Variants in PDCD2L observed in about 807,000 individuals in gnomAD.
The protein encoded by PDCD2L is programmed cell death 2 like.
PDCD2L carries 44 observed loss-of-function variants against 40.4 expected under a neutral mutation model. The observed-to-expected ratio is 1.09, with a 90% CI of 0.86 to 1.40. The LOEUF (loss-of-function observed/expected upper bound fraction) is 1.40, where lower values mean the gene tolerates loss of function less well. Ranked by LOEUF, PDCD2L falls within the 40% of genes most tolerant of loss-of-function variation. PDCD2L has a pLI of 0.00. For synonymous variants in PDCD2L, 194 were observed against 174.6 expected (o/e 1.11, Z -0.88); for missense variants, 470 against 453.7 (o/e 1.04, Z -0.33).
At chr19:34,419,964 C>T (rs981557947) in intron 5 of PDCD2L, among the ~76,000 whole-genome samples, 3 of 151,288 alleles carry the variant, frequency 2.0e-5, no homozygotes, top group Non-Finnish European at 4.4e-5. Flanking sequence ...TGTATTATTA[C>T]ACTATGTCTG....
chr19:34,410,242 C>T (rs947322988), intron 4 of PDCD2L, among the ~76,000 whole-genome samples: 4 of 152,178 alleles, frequency 2.6e-5, no homozygotes, highest in African/African-American at 9.7e-5. Flanking sequence ...AGTACAGGTG[C>T]ACACCACCAT....
intron 6 of PDCD2L, among the ~76,000 whole-genome samples, chr19:34,424,636 G>A (rs1039273329): frequency 3.9e-5 from 6 of 152,064 alleles, no homozygotes; most frequent in Admixed American, 1.3e-4. Context: ...GGCCGCATGC[G>A]CAGTGTGTTT....
intron 6 of PDCD2L, among the ~76,000 whole-genome samples, chr19:34,425,218 T>C (rs949012865): frequency 6.6e-6 from 1 of 152,062 alleles, no homozygotes; most frequent in Non-Finnish European, 1.5e-5. Flanking sequence ...TTCTGTAAAC[T>C]CTTAGGGTTT....
intron 5 of PDCD2L, among the ~76,000 whole-genome samples, chr19:34,414,677 A>G (rs2075119563): frequency 2.6e-5 from 4 of 151,674 alleles, no homozygotes; most frequent in Middle Eastern, 3.4e-3. Context: ...TTTTTTAGAA[A>G]TGGTATTTCA....
intron 6 of PDCD2L, among the ~76,000 whole-genome samples, chr19:34,422,861 G>A (rs1194381358): frequency 2.0e-5 from 3 of 151,920 alleles, no homozygotes; most frequent in Non-Finnish European, 2.9e-5. Flanking sequence ...GACTACAGGC[G>A]CCCGCAACCA....
intron 5 of PDCD2L, among the ~76,000 whole-genome samples, chr19:34,420,060 C>T (rs11673311): frequency 0.42 from 64,430 of 151,838 alleles, 16,615 homozygotes; most frequent in Non-Finnish European, 0.58. Flanking sequence ...TCTCAGTTCA[C>T]TGCAACCTCT....
intron 6 of PDCD2L, among the ~76,000 whole-genome samples, chr19:34,425,298 CTT>C (rs1030360314): frequency 2.1e-5 from 3 of 146,264 alleles, no homozygotes; most frequent in Admixed American, 6.8e-5. Context: ...ATATTTCTCT[CTT>C]CTTTTTTTTT....
intron 5 of PDCD2L, among the ~76,000 whole-genome samples, chr19:34,415,847 G>A (rs1207223348): frequency 2.0e-5 from 3 of 152,088 alleles, no homozygotes; most frequent in Admixed American, 1.3e-4. Context: ...AGAAATTTCC[G>A]GCATGGTTAA....
At chr19:34,420,246 C>G (rs2075144407) in intron 5 of PDCD2L, among the ~76,000 whole-genome samples, 1 of 151,834 alleles carries the variant, frequency 6.6e-6, no homozygotes, top group African/African-American at 2.4e-5. Context: ...CCGCCTCAGC[C>G]TCCCAAAGTG....
rs767892516 is a variant in PDCD2L at position 34,404,789 on chromosome 19, C to T, written c.249C>T (p.Pro83=). 3.1e-6 allele frequency: 5 copies of T among 1,605,448 alleles called. No individual in the cohort carries two copies. The Admixed American group carries it at 5.1e-5, about 16-fold the overall frequency. Residue 83 remains proline, a synonymous_variant, in exon 2 of 7, where the codon CCC becomes CCT. Coordinates refer to ENST00000246535, the MANE Select transcript of PDCD2L (RefSeq NM_032346.2). ...TGCACGTGTTCGCGTGCGCCTGCCC[C>T]GGCTGTAGCACCGGCGGTGCGCGCA... ...RLLHVFACAC[P]GCSTGGARSW...
At chr19:34,414,146 G>A (rs1346260381) in intron 5 of PDCD2L, among the ~76,000 whole-genome samples, 1 of 151,958 alleles carries the variant, frequency 6.6e-6, no homozygotes, top group Non-Finnish European at 1.5e-5. Context: ...TGAAGTCCAT[G>A]TTCTCATAGC....
intron 3 of PDCD2L, among the ~76,000 whole-genome samples, chr19:34,406,855 C>A (rs1183328122): frequency 1.5e-5 from 2 of 133,718 alleles, no homozygotes; most frequent in African/African-American, 2.9e-5. Context: ...TTTTTGAGAC[C>A]GAGTTTCGCT....
chr19:34,421,363 C>G (rs1486155171), intron 5 of PDCD2L, 156 bp from the exon 6 acceptor site: 4 of 793,724 alleles, frequency 5.0e-6, no homozygotes, highest in Non-Finnish European at 8.1e-6. Context: ...GACAAGATTT[C>G]CAGATATCTT....
intron 5 of PDCD2L, among the ~76,000 whole-genome samples, chr19:34,414,663 A>G (rs1049872658): frequency 6.7e-6 from 1 of 149,674 alleles, no homozygotes; most frequent in South Asian, 2.1e-4. Context: ...TAATTTTTGT[A>G]TATTTTTTTA....
At position 34,423,737 on chromosome 19, in the gene PDCD2L, C is replaced by T. The variant is rs539279202; in HGVS notation, c.946+2070C>T. Among the ~76,000 whole-genome samples, 6 of 151,984 alleles carry T rather than the reference C, an allele frequency of 3.9e-5. No homozygotes were observed. In the East Asian group the frequency reaches 1.2e-3, roughly 29 times the overall value. On this transcript the variant is annotated intron_variant, in intron 6 of 6. Transcript: ENST00000246535. ...CTCCTGACCTCAAGTGATCCGTCCACCTCGACCTCCCAAAGTGCTGGGATT... is the reference window on the plus strand; with the variant it reads ...CTCCTGACCTCAAGTGATCCGTCCATCTCGACCTCCCAAAGTGCTGGGATT...
At chr19:34,413,989 G>A (rs1052730663) in intron 5 of PDCD2L, 142 bp downstream of exon 5, 3 of 584,920 alleles carry the variant, frequency 5.1e-6, no homozygotes, top group Admixed American at 6.2e-5. Context: ...CTGCTTTATA[G>A]GACCTAATAC....
chr19:34,423,291 T>G (rs1223739177), intron 6 of PDCD2L, among the ~76,000 whole-genome samples: 2 of 151,752 alleles, frequency 1.3e-5, no homozygotes, highest in African/African-American at 2.4e-5. Context: ...CAAGTGATTC[T>G]CCTGCCTCAG....
Position 34,404,998 on chromosome 19 carries a change from T to C in PDCD2L, c.336+8T>C, listed in dbSNP as rs979207224. On this transcript the variant is annotated splice_region_variant and intron_variant, in intron 3 of 6. Transcript: ENST00000246535. ...GAGGCGCAGGACGCTCAGGTAAAGG[T>C]TGTGATTGGCATGTTATTGTTTTTC... The C allele has an allele frequency of 4.3e-6, 7 of 1,613,878 alleles. No homozygotes were observed. The African/African-American group carries it at 8.0e-5, about 18-fold the overall frequency.
intron 3 of PDCD2L, among the ~76,000 whole-genome samples, chr19:34,406,111 C>T (rs905974309): frequency 6.6e-6 from 1 of 152,162 alleles, no homozygotes; most frequent in African/African-American, 2.4e-5. Flanking sequence ...CACTGCACTC[C>T]GGCCTGGGCC....
Sources: allele counts gnomAD v4.1 joint callset (sites outside exome capture counted in the v4.1 genomes callset), GRCh38; gene constraint gnomAD v4.1.1; transcripts MANE v1.5; gene names NCBI Gene and HGNC (gene_info 2026-07-23, HGNC 2026-07-21).